Variants in DLG2 observed in about 807,000 individuals in gnomAD.
The protein encoded by DLG2 is discs large MAGUK scaffold protein 2.
DLG2 carries 45 observed loss-of-function variants against 132.5 expected under a neutral mutation model. The ratio of observed to expected loss-of-function variants is 0.34; its 90% confidence interval spans 0.27 to 0.44. DLG2 has a LOEUF of 0.44. DLG2 is among the 20% of genes least tolerant of loss of function. The probability of loss-of-function intolerance (pLI) is 1.00; values close to 1 mark genes in which losing one functional copy is unlikely to be tolerated. For synonymous variants in DLG2, 424 were observed against 419.6 expected (o/e 1.01, Z -0.13); for missense variants, 1,045 against 1,196.9 (o/e 0.87, Z 1.87).
At chr11:85,585,181 C>A (rs565826293) in intron 3 of DLG2, among the ~76,000 whole-genome samples, 2 of 152,020 alleles carry the variant, frequency 1.3e-5, no homozygotes. Flanking sequence ...TTTTTATATA[C>A]GATGAGAGAT....
intron 18 of DLG2, among the ~76,000 whole-genome samples, chr11:83,696,365 T>C (rs144300248): frequency 6.6e-6 from 1 of 152,314 alleles, no homozygotes; most frequent in East Asian, 1.9e-4. Flanking sequence ...TTTCCCAACG[T>C]GGCAGGTGAG....
chr11:84,446,870 C>T (rs1320104847), intron 7 of DLG2, among the ~76,000 whole-genome samples: 1 of 152,118 alleles, frequency 6.6e-6, no homozygotes, highest in African/African-American at 2.4e-5. Context: ...CCATACACCC[C>T]TGGGATACCA....
At chr11:84,190,511 TC>T (rs1400854545) in intron 8 of DLG2, among the ~76,000 whole-genome samples, 3 of 152,126 alleles carry the variant, frequency 2.0e-5, no homozygotes, top group Admixed American at 6.5e-5. Context: ...GAAGAATAAT[TC>T]TTGGAACTTA....
intron 19 of DLG2, among the ~76,000 whole-genome samples, chr11:83,588,721 C>T (rs2097136065): frequency 6.6e-6 from 1 of 151,460 alleles, no homozygotes; most frequent in Non-Finnish European, 1.5e-5. Flanking sequence ...AAACCAAATG[C>T]AAAGAAGTTG....
chr11:83,944,177 A>C (rs1411360326), intron 14 of DLG2, among the ~76,000 whole-genome samples: 1 of 152,204 alleles, frequency 6.6e-6, no homozygotes, highest in Non-Finnish European at 1.5e-5. Context: ...GGAGGGAAAT[A>C]GACACTCTTC....
At chr11:84,068,997 C>A (rs2154141744) in intron 10 of DLG2, among the ~76,000 whole-genome samples, 1 of 152,250 alleles carries the variant, frequency 6.6e-6, no homozygotes, top group African/African-American at 2.4e-5. Context: ...CAGTCGGGTC[C>A]AGGACCATAC....
intron 19 of DLG2, among the ~76,000 whole-genome samples, chr11:83,543,973 C>T (rs926060294): frequency 6.6e-6 from 1 of 152,162 alleles, no homozygotes; most frequent in Non-Finnish European, 1.5e-5. Context: ...ATACTGAACA[C>T]CTGCTTTCTT....
intron 7 of DLG2, among the ~76,000 whole-genome samples, chr11:84,363,664 A>G (rs1310206484): frequency 1.3e-5 from 2 of 151,612 alleles, no homozygotes; most frequent in African/African-American, 4.9e-5. Flanking sequence ...TAAGTCTTTA[A>G]TCCATCTTGA....
chr11:83,916,315 T>TTG lies in DLG2; in HGVS notation c.1496+14012_1496+14013insCA, dbSNP rs576283840. On this transcript the variant is annotated intron_variant, in intron 15 of 27. Coordinates refer to ENST00000376104, the MANE Select transcript of DLG2 (RefSeq NM_001142699.3). ...GAGATTTTTAAATTTAGGGTTTTTT[T>TTG]TTTGTTTTTTGTTTTTTGAGACAAA... Among the ~76,000 whole-genome samples the TTG allele has an allele frequency of 5.3e-3, 808 of 152,152 alleles. 12 individuals are homozygous for TTG. The highest frequency in any genetic ancestry group is 0.019 in the African/African-American group (773 of 41,534).
intron 21 of DLG2, among the ~76,000 whole-genome samples, chr11:83,508,403 A>ATTTTTT (rs746968613): frequency 0.24 from 19,019 of 79,674 alleles, 3,733 homozygotes; most frequent in East Asian, 0.31. Context: ...CGCCTGGCTA[A>ATTTTTT]TTTTTTTTTT....
At chr11:83,479,928 C>CTT (rs1453928037) in intron 22 of DLG2, among the ~76,000 whole-genome samples, 4 of 151,978 alleles carry the variant, frequency 2.6e-5, no homozygotes, top group Admixed American at 2.6e-4. Flanking sequence ...TAAAGGAACA[C>CTT]TTTATTTATA....
chr11:84,777,269 A>C (rs2070748941), intron 6 of DLG2, among the ~76,000 whole-genome samples: 1 of 122,466 alleles, frequency 8.2e-6, no homozygotes, highest in Non-Finnish European at 1.7e-5. Flanking sequence ...GTGTGTATGT[A>C]TATGTGTGTG....
intron 8 of DLG2, among the ~76,000 whole-genome samples, chr11:84,173,807 T>C (rs996347283): frequency 1.8e-4 from 28 of 152,254 alleles, no homozygotes; most frequent in Admixed American, 1.2e-3. Context: ...CTGGCTTTCA[T>C]ACAGTATTTG....
At chr11:84,175,007 A>C (rs1275876735) in intron 8 of DLG2, among the ~76,000 whole-genome samples, 2 of 152,184 alleles carry the variant, frequency 1.3e-5, no homozygotes, top group Non-Finnish European at 2.9e-5. Context: ...ATGCTTTCAT[A>C]AGCAATGTGA....
intron 4 of DLG2, among the ~76,000 whole-genome samples, chr11:85,235,428 C>T (rs1336939351): frequency 6.6e-6 from 1 of 151,970 alleles, no homozygotes; most frequent in Non-Finnish European, 1.5e-5. Flanking sequence ...CGCATTTCCT[C>T]ATTCAACAAC....
intron 3 of DLG2, among the ~76,000 whole-genome samples, chr11:85,325,250 C>T (rs1359228221): frequency 3.9e-5 from 6 of 152,124 alleles, no homozygotes; most frequent in East Asian, 1.9e-4. Flanking sequence ...CTGGGAAGCT[C>T]GAACTGGGCG....
Position 85,150,160 on chromosome 11 carries a change from C to T in DLG2, c.282+4396G>A, listed in dbSNP as rs899957737. ...TCGGCCTCCCCAGTAGCTGGGACTA[C>T]AGGCACCTGCCACTATGCTCGGCTA... On this transcript the variant is annotated intron_variant, in intron 5 of 27. Transcript: ENST00000376104. Among the ~76,000 whole-genome samples the T allele has an allele frequency of 4.0e-5, 6 of 151,766 alleles. 1 individual carries two copies. The South Asian group carries it at 8.4e-4, about 21-fold the overall frequency.
chr11:83,827,292 A>G (rs2053132595), intron 17 of DLG2, among the ~76,000 whole-genome samples: 1 of 152,142 alleles, frequency 6.6e-6, no homozygotes, highest in African/African-American at 2.4e-5. Flanking sequence ...CCCAAGATGG[A>G]GAATAGTCTG....
chr11:83,773,284 C>T (rs2094467090), intron 18 of DLG2, among the ~76,000 whole-genome samples: 1 of 152,082 alleles, frequency 6.6e-6, no homozygotes, highest in Admixed American at 6.6e-5. Context: ...GATGATAATA[C>T]CACCAGTATA....
Sources: gnomAD v4.1 joint callset for allele counts (sites outside exome capture counted in the v4.1 genomes callset) on GRCh38, gnomAD v4.1.1 for gene constraint, MANE v1.5 for transcripts, NCBI Gene and HGNC (gene_info 2026-07-23, HGNC 2026-07-21) for gene names.